The following GRIP1 variants were observed in gnomAD, a reference collection of about 807,000 sequenced individuals.
GRIP1 encodes glutamate receptor-interacting protein 1.
GRIP1 carries 45 observed loss-of-function variants against 129.9 expected under a neutral mutation model. That is an observed-to-expected ratio of 0.35 (90% CI 0.27 to 0.44). The LOEUF (loss-of-function observed/expected upper bound fraction) is 0.44, where lower values mean the gene tolerates loss of function less well. Ranked by LOEUF, GRIP1 falls within the 20% of genes least tolerant of loss-of-function variation. The pLI is 1.00. For synonymous variants in GRIP1, 530 were observed against 520.8 expected, an observed-to-expected ratio of 1.02 and a Z score of -0.24; for missense variants, 1,196 against 1,396.8, an observed-to-expected ratio of 0.86 and a Z score of 2.29.
rs567620018 is a variant in GRIP1 at position 66,619,006 on chromosome 12, A to C, written c.56-22079T>G. Among the ~76,000 whole-genome samples, 11 of 152,296 alleles carry C rather than the reference A, an allele frequency of 7.2e-5. No homozygotes were observed. In the East Asian group the frequency reaches 1.7e-3, roughly 24 times the overall value. ...GTTCAGGCAGATATGAACCGAAGCA[A>C]ATACTCAGATAAAAGTGTAAACAAC... On this transcript the variant is annotated intron_variant, in intron 1 of 24. Transcript: ENST00000359742.
At chr12:66,518,299 C>G (rs2060903919) in intron 5 of GRIP1, among the ~76,000 whole-genome samples, 1 of 152,028 alleles carries the variant, frequency 6.6e-6, no homozygotes, top group African/African-American at 2.4e-5. Flanking sequence ...TTATACAGTA[C>G]AGATGTGTAT....
chr12:66,598,302 C>T (rs2064134767), intron 1 of GRIP1, among the ~76,000 whole-genome samples: 1 of 152,180 alleles, frequency 6.6e-6, no homozygotes, highest in African/African-American at 2.4e-5. Context: ...AAGATTAACA[C>T]TGCTGTAAGT....
chr12:66,523,934 G>A (rs1408207917), intron 5 of GRIP1, among the ~76,000 whole-genome samples: 2 of 152,110 alleles, frequency 1.3e-5, no homozygotes, highest in Admixed American at 6.6e-5. Context: ...GACAAAGAAG[G>A]CCATTACATA....
intron 19 of GRIP1, among the ~76,000 whole-genome samples, chr12:66,389,111 G>A (rs1025713374): frequency 6.6e-6 from 1 of 152,226 alleles, no homozygotes; most frequent in African/African-American, 2.4e-5. Flanking sequence ...GGGCTTCCTG[G>A]AACAAGGCAG....
At chr12:66,804,577 C>T (rs948871192), upstream of GRIP1, among the ~76,000 whole-genome samples, 5 of 151,996 alleles carry the variant, frequency 3.3e-5, no homozygotes, top group African/African-American at 4.8e-5. Context: ...AGTCCCAGCA[C>T]GAGAATTTCA....
In GRIP1 at chr12:66,930,039, T is replaced by TTCTCTC. The variant is rs1248824999; in HGVS notation, c.58+139005_58+139010dup. 1.2e-3 allele frequency among the ~76,000 whole-genome samples: 169 copies of TTCTCTC among 143,378 alleles called. 5 individuals are homozygous for TTCTCTC. Among genetic ancestry groups the TTCTCTC allele is most frequent in the Non-Finnish European group, 1.7e-3 (113 of 66,050 alleles). 94.1% of individuals were successfully genotyped at this position (143,378 alleles called of 152,430 possible). ...TGCTCATGTTGCCCAGTTACCCAGG[T>TTCTCTC]TCTCTCTCTCTCTCTCTTTTTTTTT... On this transcript the variant is annotated intron_variant, in intron 1 of 1. Transcript: ENST00000643019.
intron 1 of GRIP1, among the ~76,000 whole-genome samples, chr12:66,972,955 A>C (rs1203544155): frequency 2.0e-5 from 3 of 152,220 alleles, no homozygotes; most frequent in Non-Finnish European, 4.4e-5. Context: ...AGAGAAGATG[A>C]AAGAAAAATG....
intron 2 of GRIP1, among the ~76,000 whole-genome samples, chr12:66,574,790 T>TTTTTTTTTTTTTTTTTTTTTTTC (rs55885862): frequency 4.9e-5 from 7 of 142,066 alleles, no homozygotes; most frequent in Non-Finnish European, 4.6e-5. Flanking sequence ...CACTTTTCTT[T>TTTTTTTTTTTTTTTTTTTTTTTC]TTTTTTTTTT....
intron 7 of GRIP1, among the ~76,000 whole-genome samples, chr12:66,480,674 A>G (rs1396167300): frequency 3.9e-5 from 6 of 152,364 alleles, no homozygotes; most frequent in South Asian, 2.1e-4. Flanking sequence ...CTACAAGGCT[A>G]CAGTAACCAA....
intron 1 of GRIP1, among the ~76,000 whole-genome samples, chr12:66,676,019 A>G (rs544393964): frequency 6.6e-6 from 1 of 152,308 alleles, no homozygotes; most frequent in African/African-American, 2.4e-5. Context: ...ACTGTGGATC[A>G]GTGTCTATGT....
chr12:66,834,802 T>C (rs953280687), intron 1 of GRIP1, among the ~76,000 whole-genome samples: 2 of 151,622 alleles, frequency 1.3e-5, no homozygotes, highest in Non-Finnish European at 2.9e-5. Flanking sequence ...GAATTGCCTA[T>C]AGAATTGCCT....
At chr12:66,831,576 G>T (rs532732111) in intron 1 of GRIP1, among the ~76,000 whole-genome samples, 7 of 152,272 alleles carry the variant, frequency 4.6e-5, no homozygotes, top group African/African-American at 1.7e-4. Context: ...TTCAAAGCCG[G>T]TATTTCATCT....
intron 1 of GRIP1, among the ~76,000 whole-genome samples, chr12:66,656,427 A>G (rs2033162058): frequency 6.6e-6 from 1 of 152,196 alleles, no homozygotes; most frequent in South Asian, 2.1e-4. Context: ...CCTGGCAATA[A>G]TCAAGGTGAG....
chr12:66,542,859 T>C (rs2061829230), intron 2 of GRIP1, among the ~76,000 whole-genome samples: 1 of 152,146 alleles, frequency 6.6e-6, no homozygotes, highest in South Asian at 2.1e-4. Flanking sequence ...TTCCAACTTC[T>C]CCTAAATTAA....
At chr12:66,517,100 G>A (rs2060867392) in intron 6 of GRIP1, among the ~76,000 whole-genome samples, 1 of 152,074 alleles carries the variant, frequency 6.6e-6, no homozygotes, top group East Asian at 1.9e-4. Flanking sequence ...AGGTTTTTAA[G>A]TTTATCCTGG....
chr12:66,751,974 A>G (rs951797712), intron 1 of GRIP1, among the ~76,000 whole-genome samples: 1 of 152,166 alleles, frequency 6.6e-6, no homozygotes. Flanking sequence ...CACTGTCAAT[A>G]AGGTAAGCAT....
intron 1 of GRIP1, among the ~76,000 whole-genome samples, chr12:67,010,042 A>C (rs1305409728): frequency 6.6e-6 from 1 of 152,132 alleles, no homozygotes; most frequent in Non-Finnish European, 1.5e-5. Context: ...GGTGTTTCTT[A>C]ATGATTTGGT....
intron 16 of GRIP1, among the ~76,000 whole-genome samples, chr12:66,404,739 C>CA (rs1445777568): frequency 2.6e-5 from 4 of 152,034 alleles, no homozygotes; most frequent in Non-Finnish European, 5.9e-5. Flanking sequence ...GTTCGTTAGG[C>CA]AAAAATCTAT....
At chr12:66,434,682 C>T (rs758999002) in intron 13 of GRIP1, among the ~76,000 whole-genome samples, 2 of 152,204 alleles carry the variant, frequency 1.3e-5, no homozygotes, top group Non-Finnish European at 2.9e-5. Flanking sequence ...CTGAGTCCTC[C>T]CCATACTGCG....
Sources: gnomAD v4.1 joint callset for allele counts (sites outside exome capture counted in the v4.1 genomes callset) on GRCh38, gnomAD v4.1.1 for gene constraint, MANE v1.5 for transcripts, NCBI Gene and HGNC (gene_info 2026-07-23, HGNC 2026-07-21) for gene names.